SNTB1: variants seen among roughly 807,000 people sequenced by gnomAD.
The protein encoded by SNTB1 is beta-1-syntrophin.
A neutral mutation model predicts 48.9 loss-of-function variants in SNTB1; 36 were observed. The observed-to-expected ratio is 0.74, with a 90% CI of 0.56 to 0.97. The LOEUF (loss-of-function observed/expected upper bound fraction) is 0.97. Ranked by LOEUF, SNTB1 falls within the 50% of genes least tolerant of loss-of-function variation. The pLI is 0.00. For missense variants in SNTB1, 786 were observed against 703.4 expected, an observed-to-expected ratio of 1.12 and a Z score of -1.33; for synonymous variants, 299 against 294.6, an observed-to-expected ratio of 1.01 and a Z score of -0.15.
At chr8:120,692,070 T>C (rs1337078991) in intron 2 of SNTB1, among the ~76,000 whole-genome samples, 1 of 152,228 alleles carries the variant, frequency 6.6e-6, no homozygotes, top group Non-Finnish European at 1.5e-5. Flanking sequence ...TGTCTGCTCT[T>C]ACCCCTCTTG....
chr8:120,560,883 G>A (rs1021241027), intron 4 of SNTB1, among the ~76,000 whole-genome samples: 1 of 152,150 alleles, frequency 6.6e-6, no homozygotes, highest in African/African-American at 2.4e-5. Context: ...AGGAATCCAT[G>A]GTTCTATTGC....
chr8:120,756,818 C>T (rs1243983964), intron 1 of SNTB1, among the ~76,000 whole-genome samples: 1 of 152,026 alleles, frequency 6.6e-6, no homozygotes, highest in Non-Finnish European at 1.5e-5. Context: ...TGCTACATTC[C>T]CAGTGGCCTA....
At chr8:120,590,226 C>T (rs4330729) in intron 3 of SNTB1, among the ~76,000 whole-genome samples, 17,585 of 152,132 alleles carry the variant, frequency 0.12, 1,548 homozygotes, top group East Asian at 0.44. Context: ...AAATGTGGGG[C>T]GACATGCTTT....
At chr8:120,584,468 T>C (rs1162598672) in intron 3 of SNTB1, among the ~76,000 whole-genome samples, 1 of 140,514 alleles carries the variant, frequency 7.1e-6, no homozygotes, top group Admixed American at 7.1e-5. Context: ...AAAAGTGTAG[T>C]AATTTAGAAG....
intron 2 of SNTB1, chr8:120,654,986 A>G (rs1392282659): frequency 2.2e-6 from 1 of 456,064 alleles, no homozygotes; most frequent in Non-Finnish European, 4.4e-6. Context: ...TTCAAACCAC[A>G]TGGTCATTAT....
At chr8:120,698,629 A>G (rs1818250628) in intron 1 of SNTB1, among the ~76,000 whole-genome samples, 1 of 152,198 alleles carries the variant, frequency 6.6e-6, no homozygotes, top group Non-Finnish European at 1.5e-5. Flanking sequence ...TAAAATGGTC[A>G]AGATGGTCCT....
intron 2 of SNTB1, among the ~76,000 whole-genome samples, chr8:120,669,408 G>A (rs945226014): frequency 3.3e-5 from 5 of 151,618 alleles, no homozygotes; most frequent in Non-Finnish European, 2.9e-5. Flanking sequence ...TTAGTTTGGT[G>A]AAAGCTCAGT....
intron 2 of SNTB1, among the ~76,000 whole-genome samples, chr8:120,641,721 C>T (rs1042529195): frequency 3.3e-5 from 5 of 152,184 alleles, no homozygotes; most frequent in Admixed American, 1.3e-4. Context: ...AGAATATATT[C>T]GTGTCACTGT....
chr8:120,737,515 A>T lies in SNTB1; in HGVS notation c.572-43607T>A, dbSNP rs1165098620. 2.0e-5 allele frequency among the ~76,000 whole-genome samples: 3 copies of T among 152,220 alleles called. No individual in the cohort carries two copies. In the East Asian group the frequency reaches 5.8e-4, roughly 29 times the overall value. ...GTGTCCAACTCTGACATATCTTATG[A>T]ACTAGCAATTTTTGATAGAAGAAAA... On this transcript the variant is annotated intron_variant, in intron 1 of 6. Transcript: ENST00000517992.
rs558427823 is a variant in SNTB1 at position 120,536,626 on chromosome 8, TTTTAA to T, written c.*2246_*2250del. On this transcript the variant is annotated 3_prime_UTR_variant, in exon 7 of 7. Coordinates refer to ENST00000517992, the MANE Select transcript of SNTB1 (RefSeq NM_021021.4). ...AATTTTCTATTTCTTGCTAATAACA[TTTTAA>T]TTTACTCTAGAAAATGCATTAATTT... 223 of 152,312 alleles carry T rather than the reference TTTTAA, an allele frequency of 1.5e-3. 2 individuals are homozygous for T. The highest frequency in any genetic ancestry group is 5.0e-3 in the African/African-American group (209 of 41,584). 9.4% of individuals were successfully genotyped at this position (152,312 alleles called of 1,614,324 possible).
At chr8:120,760,589 A>C (rs1819401206) in intron 1 of SNTB1, among the ~76,000 whole-genome samples, 1 of 152,166 alleles carries the variant, frequency 6.6e-6, no homozygotes, top group Non-Finnish European at 1.5e-5. Flanking sequence ...GCTGAAGCTT[A>C]ACCAGGTTTG....
At chr8:120,580,123 T>G (rs1057217096) in intron 3 of SNTB1, among the ~76,000 whole-genome samples, 1 of 152,236 alleles carries the variant, frequency 6.6e-6, no homozygotes, top group Non-Finnish European at 1.5e-5. Flanking sequence ...CTTCAGCTAC[T>G]GGGATTCTTG....
At chr8:120,753,180 T>A (rs897775417) in intron 1 of SNTB1, among the ~76,000 whole-genome samples, 7 of 152,044 alleles carry the variant, frequency 4.6e-5, no homozygotes, top group African/African-American at 1.4e-4. Context: ...AGGCACCACA[T>A]TAAACTACTG....
At chr8:120,683,036 T>C (rs1051670546) in intron 2 of SNTB1, among the ~76,000 whole-genome samples, 2 of 151,818 alleles carry the variant, frequency 1.3e-5, no homozygotes, top group Non-Finnish European at 2.9e-5. Flanking sequence ...CGCCCGCCAC[T>C]GCGCCTGGCT....
Position 120,771,990 on chromosome 8 carries a change from C to A in SNTB1, c.571+39283G>T, listed in dbSNP as rs967096240. ...GCTCAAGCGACCCTCCTGCCTCAGC[C>A]TCCCAAGTAACTGGGTCTACAGGCA... On this transcript the variant is annotated intron_variant, in intron 1 of 6. Transcript: ENST00000517992. Among the ~76,000 whole-genome samples, 2 of 152,142 alleles carry A rather than the reference C, an allele frequency of 1.3e-5. 1 individual carries two copies. Among genetic ancestry groups the A allele is most frequent in the Admixed American group, 1.3e-4 (2 of 15,284 alleles).
At chr8:120,811,132 C>A in intron 1 of SNTB1, 141 bp downstream of exon 1, 1 of 276,398 alleles carries the variant, frequency 3.6e-6, no homozygotes, top group South Asian at 9.0e-5. Flanking sequence ...CGCCACCCTT[C>A]CCCCCCCCCC....
chr8:120,738,218 T>C (rs1818981128), intron 1 of SNTB1, among the ~76,000 whole-genome samples: 1 of 152,182 alleles, frequency 6.6e-6, no homozygotes, highest in African/African-American at 2.4e-5. Flanking sequence ...TGCCTTGGAC[T>C]TCACAGCCTC....
At chr8:120,582,829 T>C (rs1220238533) in intron 3 of SNTB1, among the ~76,000 whole-genome samples, 1 of 152,074 alleles carries the variant, frequency 6.6e-6, no homozygotes, top group Non-Finnish European at 1.5e-5. Context: ...AAAACCTAGA[T>C]AATGGGTTGA....
intron 1 of SNTB1, among the ~76,000 whole-genome samples, chr8:120,789,699 C>T (rs1819990864): frequency 6.6e-6 from 1 of 151,824 alleles, no homozygotes; most frequent in African/African-American, 2.4e-5. Context: ...AAATAGACAT[C>T]CTGAACAGAT....
Sources: gnomAD v4.1 joint callset for allele counts (sites outside exome capture counted in the v4.1 genomes callset) on GRCh38, gnomAD v4.1.1 for gene constraint, MANE v1.5 for transcripts, NCBI Gene and HGNC (gene_info 2026-07-23, HGNC 2026-07-21) for gene names.